The following ROR2 variants were observed in gnomAD, a reference collection of about 807,000 sequenced individuals.
ROR2 encodes the protein tyrosine-protein kinase transmembrane receptor ROR2.
Under a neutral mutation model 74.9 loss-of-function variants are expected in ROR2, and 33 were observed. That is an observed-to-expected ratio of 0.44 (90% confidence interval 0.33 to 0.59). ROR2 has a LOEUF of 0.59. ROR2 is among the 20% of genes least tolerant of loss of function. The pLI, the probability that ROR2 is intolerant of heterozygous loss-of-function variation, is 0.02. For synonymous variants in ROR2, 586 were observed against 558.7 expected, an observed-to-expected ratio of 1.05 and a Z score of -0.69; for missense variants, 1,216 against 1,313.8, an observed-to-expected ratio of 0.93 and a Z score of 1.15.
At chr9:91,850,409 A>G (rs1829053441) in intron 1 of ROR2, among the ~76,000 whole-genome samples, 1 of 140,070 alleles carries the variant, frequency 7.1e-6, no homozygotes, top group Non-Finnish European at 1.6e-5. Flanking sequence ...AGATGAAGAG[A>G]CGACCCTGGA....
At chr9:91,879,780 T>C (rs569384628) in intron 1 of ROR2, among the ~76,000 whole-genome samples, 1 of 152,098 alleles carries the variant, frequency 6.6e-6, no homozygotes, top group South Asian at 2.1e-4. Context: ...GAACACCTCA[T>C]CGTGTATCTA....
At chr9:91,777,970 A>C (rs1038870486) in intron 1 of ROR2, among the ~76,000 whole-genome samples, 1 of 152,158 alleles carries the variant, frequency 6.6e-6, no homozygotes, top group African/African-American at 2.4e-5. Flanking sequence ...CTGTCTCCAC[A>C]AGGAGAAGGG....
At chr9:91,856,858 C>G (rs1829306874) in intron 1 of ROR2, among the ~76,000 whole-genome samples, 1 of 152,234 alleles carries the variant, frequency 6.6e-6, no homozygotes, top group Non-Finnish European at 1.5e-5. Flanking sequence ...TGCTCAAGCT[C>G]ATAGAGTCCC....
chr9:91,806,465 G>A (rs1010554948), intron 1 of ROR2, among the ~76,000 whole-genome samples: 1 of 152,204 alleles, frequency 6.6e-6, no homozygotes, highest in African/African-American at 2.4e-5. Context: ...TGGGGGTGAG[G>A]ATTTCAATAT....
chr9:91,765,700 G>A (rs185552523), intron 2 of ROR2, among the ~76,000 whole-genome samples: 104 of 152,286 alleles, frequency 6.8e-4, no homozygotes, highest in African/African-American at 2.4e-3. Context: ...CTCTTCTCCA[G>A]GACTGCAGCT....
chr9:91,873,726 C>G (rs931296921), intron 1 of ROR2, among the ~76,000 whole-genome samples: 63 of 152,264 alleles, frequency 4.1e-4, no homozygotes, highest in African/African-American at 1.4e-3. Flanking sequence ...CACACTGTAC[C>G]CAGCCCAGCA....
At chr9:91,826,472 G>A (rs933773753) in intron 1 of ROR2, among the ~76,000 whole-genome samples, 1 of 152,156 alleles carries the variant, frequency 6.6e-6, no homozygotes, top group Non-Finnish European at 1.5e-5. Flanking sequence ...GCAGAAATCA[G>A]TGGTTAGTTA....
Position 91,752,469 on chromosome 9 carries a change from C to T in ROR2, c.494+3602G>A, listed in dbSNP as rs1041234064. Among the ~76,000 whole-genome samples the T allele has an allele frequency of 2.0e-5, 3 of 152,218 alleles. No individual in the cohort carries two copies. In the South Asian group the frequency reaches 6.2e-4, roughly 32 times the overall value. On this transcript the variant is annotated intron_variant, in intron 4 of 8. Coordinates refer to ENST00000375708, the MANE Select transcript of ROR2 (RefSeq NM_004560.4). ...TCAAAAGCACTATGCTAAAAGGACG[C>T]CAGGCTTAAGTGGCTACATCCTGAA...
intron 2 of ROR2, among the ~76,000 whole-genome samples, chr9:91,765,670 C>T (rs980963196): frequency 2.0e-5 from 3 of 152,198 alleles, no homozygotes; most frequent in Non-Finnish European, 4.4e-5. Flanking sequence ...GGGGCTGACC[C>T]TGTGGCAATG....
rs766514314 is a variant in ROR2, at chr9:91,949,970, G to A, written c.-7C>T. 9.7e-6 allele frequency: 14 copies of A among 1,441,520 alleles called. No individual in the cohort carries two copies. The South Asian group carries it at 1.4e-4, about 15-fold the overall frequency. The allele number at this position is 1,441,520 out of a possible 1,614,324, so 89.3% of individuals were successfully genotyped here. A position where few individuals can be genotyped will look rare whatever the true frequency, so the allele number is the denominator to read the frequency against. On this transcript the variant is annotated 5_prime_UTR_variant, in exon 1 of 9. Transcript: ENST00000375708. The stretch of plus-strand genomic sequence containing the variant: ...GCGCCGAGCCCCGGGCCATGCCGCA[G>A]GCAGTGGGGGCCGGGAAGCCCTCAG...
chr9:91,765,965 G>T (rs1826047097), intron 2 of ROR2, among the ~76,000 whole-genome samples: 2 of 152,158 alleles, frequency 1.3e-5, no homozygotes, highest in Non-Finnish European at 2.9e-5. Flanking sequence ...AAGAAACTTA[G>T]TACATCCAAT....
intron 2 of ROR2, among the ~76,000 whole-genome samples, chr9:91,763,301 G>T (rs1415959301): frequency 6.6e-6 from 1 of 152,158 alleles, no homozygotes; most frequent in Non-Finnish European, 1.5e-5. Context: ...TCACAAACCT[G>T]TACATGTACC....
At chr9:91,822,989 C>T (rs141714967) in intron 1 of ROR2, among the ~76,000 whole-genome samples, 39 of 152,208 alleles carry the variant, frequency 2.6e-4, no homozygotes, top group African/African-American at 6.7e-4. Context: ...TTCAAAGGTG[C>T]GACATTCTGG....
chr9:91,805,882 C>G (rs563836110), intron 1 of ROR2, among the ~76,000 whole-genome samples: 1 of 152,208 alleles, frequency 6.6e-6, no homozygotes, highest in Admixed American at 6.5e-5. Context: ...CAGATGACAT[C>G]CTCACAGGGA....
At chr9:91,814,045 G>A (rs762260570) in intron 1 of ROR2, among the ~76,000 whole-genome samples, 2 of 152,152 alleles carry the variant, frequency 1.3e-5, no homozygotes, top group African/African-American at 2.4e-5. Context: ...TGTTCCAGCC[G>A]GGTATGGTGG....
chr9:91,763,808 T>C (rs1825983669), intron 2 of ROR2, among the ~76,000 whole-genome samples: 1 of 152,270 alleles, frequency 6.6e-6, no homozygotes, highest in Non-Finnish European at 1.5e-5. Context: ...ATTTTTCTTT[T>C]AGCTATGAGT....
intron 1 of ROR2, among the ~76,000 whole-genome samples, chr9:91,826,641 G>A (rs1375476137): frequency 2.6e-5 from 4 of 152,024 alleles, no homozygotes; most frequent in Admixed American, 6.6e-5. Context: ...GAAATTAGCC[G>A]GGCGTGGTGG....
chr9:91,826,691 C>G (rs929791562), intron 1 of ROR2, among the ~76,000 whole-genome samples: 1 of 150,618 alleles, frequency 6.6e-6, no homozygotes, highest in Non-Finnish European at 1.5e-5. Flanking sequence ...GGCTGAGGCA[C>G]GAGAATGGCG....
chr9:91,936,482 C>T (rs2118002831), intron 1 of ROR2, among the ~76,000 whole-genome samples: 1 of 152,326 alleles, frequency 6.6e-6, no homozygotes, highest in African/African-American at 2.4e-5. Context: ...GATTATAGCC[C>T]ACCGTAAAGA....
Sources: allele counts gnomAD v4.1 joint callset (sites outside exome capture counted in the v4.1 genomes callset), GRCh38; gene constraint gnomAD v4.1.1; transcripts MANE v1.5; gene names NCBI Gene and HGNC (gene_info 2026-07-23, HGNC 2026-07-21).